WDR12: variants seen among roughly 807,000 people sequenced by gnomAD.
WDR12 encodes WD repeat domain 12, also known as ribosome biogenesis protein WDR12.
In WDR12, 42 loss-of-function variants were observed where a neutral mutation model predicts 64.3. The ratio of observed to expected loss-of-function variants is 0.65; its 90% CI spans 0.51 to 0.84. WDR12 has a LOEUF of 0.84. Ranked by LOEUF, WDR12 falls within the 40% of genes least tolerant of loss-of-function variation. The pLI is 0.00. For synonymous variants in WDR12, 158 were observed against 173.3 expected, an observed-to-expected ratio of 0.91 and a Z score of 0.70; for missense variants, 469 against 494.6, an observed-to-expected ratio of 0.95 and a Z score of 0.49.
intron 2 of WDR12, among the ~76,000 whole-genome samples, chr2:202,905,179 T>C (rs1688431219): frequency 6.6e-6 from 1 of 152,088 alleles, no homozygotes; most frequent in African/African-American, 2.4e-5. Context: ...GGAGTCCTGC[T>C]CTGTCACCCA....
chr2:202,906,475 T>C (rs1241099009), intron 2 of WDR12, among the ~76,000 whole-genome samples: 1 of 151,922 alleles, frequency 6.6e-6, no homozygotes, highest in Non-Finnish European at 1.5e-5. Flanking sequence ...ATGGGGAAAA[T>C]ACTACACATT....
intron 1 of WDR12, among the ~76,000 whole-genome samples, chr2:202,909,649 G>C (rs1228223821): frequency 6.6e-6 from 1 of 151,948 alleles, no homozygotes; most frequent in Non-Finnish European, 1.5e-5. Flanking sequence ...TGAGCAATAA[G>C]GCTATAGCTA....
chr2:202,892,283 T>G (rs1272292376), intron 8 of WDR12, among the ~76,000 whole-genome samples: 1 of 152,118 alleles, frequency 6.6e-6, no homozygotes, highest in Non-Finnish European at 1.5e-5. Flanking sequence ...GATAATATTA[T>G]CCAACAGCCA....
At chr2:202,893,707 A>C (rs1416030544) in intron 7 of WDR12, among the ~76,000 whole-genome samples, 1 of 152,186 alleles carries the variant, frequency 6.6e-6, no homozygotes, top group Non-Finnish European at 1.5e-5. Flanking sequence ...TGTAGCTACT[A>C]GGTCTTAAAA....
At position 202,896,119 on chromosome 2, in the gene WDR12, AC is replaced by A. The variant is rs775630946; in HGVS notation, c.554del (p.Cys185LeufsTer8). On this transcript the variant is annotated frameshift_variant, in exon 6 of 13. Transcript: ENST00000261015. LOFTEE classifies it high-confidence loss of function. ...AATCTACACTTCCAGCATGACCTCTACAGCAGTGTAGGGCTTTCACTTTGTT... is the reference window on the plus strand; with the variant it reads ...AATCTACACTTCCAGCATGACCTCTAAGCAGTGTAGGGCTTTCACTTTGTT... ...ERNKVKALHC[C>X]RGHAGSVDSI... 1 of 1,614,138 alleles carries A rather than the reference AC, an allele frequency of 6.2e-7. No homozygotes were observed.
At chr2:202,894,079 A>G (rs1013599811) in intron 7 of WDR12, among the ~76,000 whole-genome samples, 1 of 152,182 alleles carries the variant, frequency 6.6e-6, no homozygotes, top group Non-Finnish European at 1.5e-5. Context: ...CTTGCAATTC[A>G]GTGACACTAT....
chr2:202,905,995 T>A (rs890309806), intron 2 of WDR12, among the ~76,000 whole-genome samples: 3 of 152,302 alleles, frequency 2.0e-5, no homozygotes, highest in East Asian at 3.9e-4. Flanking sequence ...AATAATTTAA[T>A]TATACATTTA....
At chr2:202,906,060 G>GGTGATGGATACCTCATTTACCCTGAT (rs1295879100) in intron 2 of WDR12, among the ~76,000 whole-genome samples, 16 of 152,260 alleles carry the variant, frequency 1.1e-4, no homozygotes, top group Middle Eastern at 3.4e-3. Flanking sequence ...AAATGCTTGA[G>GGTGATGGATACCTCATTTACCCTGAT]GTGATGGATA....
At chr2:202,898,019 C>G (rs144071648) in intron 4 of WDR12, among the ~76,000 whole-genome samples, 2,162 of 147,124 alleles carry the variant, frequency 0.015, 26 homozygotes, top group Non-Finnish European at 0.023. Flanking sequence ...CATGTTTAGA[C>G]TTGGATCACA....
chr2:202,884,333 A>G, intron 9 of WDR12, 30 bp from the exon 10 acceptor site: 1 of 1,613,586 alleles, frequency 6.2e-7, no homozygotes, highest in African/African-American at 1.3e-5. Context: ...AACATTAACC[A>G]TGGTAGACTA....
chr2:202,904,303 T>C (rs1688414957), intron 2 of WDR12, among the ~76,000 whole-genome samples: 1 of 151,538 alleles, frequency 6.6e-6, no homozygotes, highest in Non-Finnish European at 1.5e-5. Context: ...GCAATCCTTA[T>C]CAAAATACCA....
chr2:202,909,433 C>T (rs1688523730), intron 1 of WDR12, among the ~76,000 whole-genome samples: 1 of 152,058 alleles, frequency 6.6e-6, no homozygotes, highest in South Asian at 2.1e-4. Flanking sequence ...AAGCCAGTCA[C>T]AAAAGATCAC....
In WDR12 at chr2:202,883,574, A is replaced by G. The variant is rs747705387; in HGVS notation, c.1121+35T>C. 1.3e-5 allele frequency: 21 copies of G among 1,591,522 alleles called. No individual in the cohort carries two copies. In the Admixed American group the frequency reaches 1.9e-4, roughly 14 times the overall value. On this transcript the variant is annotated intron_variant, in intron 11 of 12. Coordinates refer to ENST00000261015, the MANE Select transcript of WDR12 (RefSeq NM_018256.4). ...ATTTCCTTTCTATAACAGGTAATTG[A>G]TATGTTTCTCTTATAGATCATAAAT... is the stretch of plus-strand genomic sequence containing the variant.
chr2:202,889,265 G>T (rs1382672706), intron 8 of WDR12, among the ~76,000 whole-genome samples: 1 of 152,164 alleles, frequency 6.6e-6, no homozygotes, highest in Non-Finnish European at 1.5e-5. Flanking sequence ...CAGCAAAGTA[G>T]AGTGGGAGAA....
Position 202,881,765 on chromosome 2 carries a change from A to G in WDR12, c.1195-828T>C, listed in dbSNP as rs1296795641. On this transcript the variant is annotated intron_variant, in intron 12 of 12. Transcript: ENST00000261015. Reference sequence around the variant, plus strand: ...AGAAGATACACATGGGGGCGGGAGGATTGCTTGAACCCAGGAGTTCAAGGC... The same window carrying G: ...AGAAGATACACATGGGGGCGGGAGGGTTGCTTGAACCCAGGAGTTCAAGGC... Among the ~76,000 whole-genome samples, 6 of 152,100 alleles carry G rather than the reference A, an allele frequency of 3.9e-5. No homozygotes were observed. In the South Asian group the frequency reaches 1.2e-3, roughly 32 times the overall value.
At position 202,899,174 on chromosome 2, in the gene WDR12, C is replaced by CG. The variant is rs539730748; in HGVS notation, c.338+356dup. Among the ~76,000 whole-genome samples the CG allele has an allele frequency of 1.3e-4, 19 of 150,914 alleles. No homozygotes were observed. The East Asian group carries it at 3.7e-3, about 30-fold the overall frequency. Reference sequence around the variant, plus strand: ...TCTCCTGCCTCAGCCTCCCAAGTAGCGGGGACTACAGGCGCCCACCACCAC... The same window carrying CG: ...TCTCCTGCCTCAGCCTCCCAAGTAGCGGGGGACTACAGGCGCCCACCACCAC... On this transcript the variant is annotated intron_variant, in intron 4 of 12. Coordinates refer to ENST00000261015, the MANE Select transcript of WDR12 (RefSeq NM_018256.4).
In WDR12 at chr2:202,878,102, C is replaced by T. The variant is rs779368829; in HGVS notation, c.*2758G>A. ...CTTGTCCAAGAGACTTGGTCACTTA[C>T]ATTATATCTATCTCAAGGAAGAATG... On this transcript the variant is annotated 3_prime_UTR_variant, in exon 13 of 13. Coordinates refer to ENST00000261015, the MANE Select transcript of WDR12 (RefSeq NM_018256.4). 6.6e-6 allele frequency: 1 copy of T among 152,170 alleles called. No individual in the cohort carries two copies. The highest frequency in any genetic ancestry group is 2.4e-5 in the African/African-American group (1 of 41,408). The allele number at this position is 152,170 out of a possible 1,614,324, so 9.4% of individuals were successfully genotyped here.
rs1574398743 is a variant in WDR12 at position 202,875,360 on chromosome 2, C to G, written c.*5500G>C. On this transcript the variant is annotated 3_prime_UTR_variant, in exon 13 of 13. Transcript: ENST00000261015. ...ACATATTATTGTAATTTAGTACCCA[C>G]AAATGTCACTTAAATTTATGTATTA... 6.7e-6 allele frequency: 1 copy of G among 150,134 alleles called. No homozygotes were observed. Among genetic ancestry groups the G allele is most frequent in the East Asian group, 1.9e-4 (1 of 5,138 alleles). 9.3% of individuals were successfully genotyped at this position (150,134 alleles called of 1,614,324 possible). A position where few individuals can be genotyped will look rare whatever the true frequency, so the allele number is the denominator to read the frequency against.
chr2:202,874,481 CTT>C lies in WDR12; in HGVS notation c.*6377_*6378del, dbSNP rs1687823660. Among the ~76,000 whole-genome samples, 1 of 152,160 alleles carries C rather than the reference CTT, an allele frequency of 6.6e-6. No homozygotes were observed. The highest frequency in any genetic ancestry group is 6.6e-5 in the Admixed American group (1 of 15,260). The stretch of plus-strand genomic sequence containing the variant: ...CTTAGTTTCTTTAAAGACTAATGGT[CTT>C]CACTTTTGTTTTTGTGCAAACCTCT... On this transcript the variant is annotated 3_prime_UTR_variant, in exon 13 of 13. Coordinates refer to ENST00000261015, the MANE Select transcript of WDR12 (RefSeq NM_018256.4).
Sources: gnomAD v4.1 joint callset for allele counts (sites outside exome capture counted in the v4.1 genomes callset) on GRCh38, gnomAD v4.1.1 for gene constraint, MANE v1.5 for transcripts, NCBI Gene and HGNC (gene_info 2026-07-23, HGNC 2026-07-21) for gene names.